POU2AF1: variants seen among roughly 807,000 people sequenced by gnomAD.
POU2AF1 encodes the protein POU class 2 homeobox associating factor 1.
In POU2AF1, 12 loss-of-function variants were observed where a neutral mutation model predicts 26.3. The ratio of observed to expected loss-of-function variants is 0.46; its 90% CI spans 0.29 to 0.74. The LOEUF (loss-of-function observed/expected upper bound fraction) is 0.74, where lower values mean the gene tolerates loss of function less well. Ranked by LOEUF, POU2AF1 falls within the 30% of genes least tolerant of loss-of-function variation. The pLI is 0.09. For missense variants in POU2AF1, 297 were observed against 334.5 expected, an observed-to-expected ratio of 0.89 and a Z score of 0.87; for synonymous variants, 175 against 148.0, an observed-to-expected ratio of 1.18 and a Z score of -1.32.
At chr11:111,372,144 G>C (rs1861226071) in intron 1 of POU2AF1, among the ~76,000 whole-genome samples, 1 of 151,998 alleles carries the variant, frequency 6.6e-6, no homozygotes. Context: ...TCAAGGAAGT[G>C]CCACGGAGGC....
intron 1 of POU2AF1, among the ~76,000 whole-genome samples, chr11:111,376,290 G>A (rs751425342): frequency 1.3e-5 from 2 of 152,178 alleles, no homozygotes; most frequent in Non-Finnish European, 2.9e-5. Context: ...GAACTAAGTT[G>A]CACAGGCAAC....
chr11:111,360,815 G>A (rs1413018552), intron 1 of POU2AF1, among the ~76,000 whole-genome samples: 1 of 151,938 alleles, frequency 6.6e-6, no homozygotes. Flanking sequence ...GTGGTGGCAG[G>A]CACCTGTAAT....
intron 1 of POU2AF1, among the ~76,000 whole-genome samples, chr11:111,368,916 C>A (rs1861156753): frequency 6.6e-6 from 1 of 152,246 alleles, no homozygotes; most frequent in Non-Finnish European, 1.5e-5. Flanking sequence ...TCTCAGCCAA[C>A]AATCCATGGC....
chr11:111,372,319 C>G (rs542772878), intron 1 of POU2AF1, among the ~76,000 whole-genome samples: 9 of 152,266 alleles, frequency 5.9e-5, no homozygotes, highest in Non-Finnish European at 1.2e-4. Context: ...AGAGGCCCAG[C>G]AGCAAGCAGA....
chr11:111,362,044 G>T (rs1041626724), intron 1 of POU2AF1, among the ~76,000 whole-genome samples: 1 of 152,160 alleles, frequency 6.6e-6, no homozygotes, highest in Non-Finnish European at 1.5e-5. Context: ...CTACTGCTGG[G>T]TGGTGCCCAG....
intron 1 of POU2AF1, among the ~76,000 whole-genome samples, chr11:111,371,131 T>C (rs1240980030): frequency 6.6e-6 from 1 of 152,238 alleles, no homozygotes; most frequent in African/African-American, 2.4e-5. Flanking sequence ...TTTAACAATG[T>C]CCTGTATGCT....
chr11:111,357,391 A>G (rs1247511392), intron 4 of POU2AF1, 54 bp downstream of exon 4: 2 of 1,606,404 alleles, frequency 1.2e-6, no homozygotes, highest in East Asian at 4.5e-5. Flanking sequence ...AGCTCTGGTT[A>G]TAAAAGGGTG....
At chr11:111,369,178 C>T (rs1035053286) in intron 1 of POU2AF1, among the ~76,000 whole-genome samples, 11 of 152,164 alleles carry the variant, frequency 7.2e-5, no homozygotes, top group Admixed American at 1.3e-4. Flanking sequence ...TAAAAGACTT[C>T]GCTTTCGTAC....
chr11:111,362,146 C>T (rs1861022338), intron 1 of POU2AF1, among the ~76,000 whole-genome samples: 1 of 152,186 alleles, frequency 6.6e-6, no homozygotes, highest in African/African-American at 2.4e-5. Flanking sequence ...AGGGTCACCC[C>T]ATGGCCACGT....
intron 1 of POU2AF1, among the ~76,000 whole-genome samples, chr11:111,375,661 A>C (rs1390993094): frequency 6.6e-6 from 1 of 152,090 alleles, no homozygotes; most frequent in Non-Finnish European, 1.5e-5. Flanking sequence ...GGCCTCCCAA[A>C]GTGCTGGGAT....
chr11:111,377,139 AAG>A (rs1231702914), intron 1 of POU2AF1, among the ~76,000 whole-genome samples: 1 of 151,922 alleles, frequency 6.6e-6, no homozygotes, highest in African/African-American at 2.4e-5. Flanking sequence ...TGGGAGGTCA[AAG>A]CGGGTGGATC....
chr11:111,371,017 T>A (rs1372064468), intron 1 of POU2AF1, among the ~76,000 whole-genome samples: 1 of 152,200 alleles, frequency 6.6e-6, no homozygotes, highest in Non-Finnish European at 1.5e-5. Flanking sequence ...CCTGAATTGG[T>A]GTACCTTTCA....
chr11:111,357,349 T>A, intron 4 of POU2AF1, 96 bp downstream of exon 4: 1 of 1,532,316 alleles, frequency 6.5e-7, no homozygotes, highest in Non-Finnish European at 9.0e-7. Context: ...ATCTTGAGAA[T>A]CAATAGCAAG....
Position 111,358,834 on chromosome 11 carries a change from C to T in POU2AF1, c.101G>A (p.Arg34Lys). The T allele has an allele frequency of 6.2e-7, 1 of 1,608,798 alleles. No individual in the cohort carries two copies. Among genetic ancestry groups the T allele is most frequent in the Non-Finnish European group, 8.5e-7 (1 of 1,179,852 alleles). Residue 34 changes from arginine to lysine, a missense_variant, in exon 2 of 5, where the codon AGG becomes AAG. Coordinates refer to ENST00000393067, the MANE Select transcript of POU2AF1 (RefSeq NM_006235.3). ...CCCACTGCTGGCGTGGCCTCGCTTC[C>T]TCCTCAGCAGTTCCTTCACTGGCTC... Reference protein sequence around the residue: ...VKEPVKELLRRKRGHASSGAA... With the variant: ...VKEPVKELLRKKRGHASSGAA...
chr11:111,373,023 A>T (rs1244816021), intron 1 of POU2AF1, among the ~76,000 whole-genome samples: 1 of 152,218 alleles, frequency 6.6e-6, no homozygotes, highest in Non-Finnish European at 1.5e-5. Context: ...AGGAAAAAGG[A>T]GCCTGGGATG....
chr11:111,369,578 A>G (rs1179413643), intron 1 of POU2AF1, among the ~76,000 whole-genome samples: 2 of 152,222 alleles, frequency 1.3e-5, no homozygotes, highest in Non-Finnish European at 1.5e-5. Context: ...TTCAGTGCCC[A>G]TAGATGGGAG....
At position 111,354,401 on chromosome 11, in the gene POU2AF1, A is replaced by G. The variant is rs1210287156; in HGVS notation, c.631T>C (p.Ser211Pro). 1 of 1,614,100 alleles carries G rather than the reference A, an allele frequency of 6.2e-7. No homozygotes were observed. Among genetic ancestry groups the G allele is most frequent in the South Asian group, 1.1e-5 (1 of 91,074 alleles). Residue 211 changes from serine to proline, a missense_variant, in exon 5 of 5, where the codon TCT becomes CCT. Physicochemically the swap from Ser to Pro is moderately conservative, Grantham distance 74. Transcript: ENST00000393067. ...PGPQFVQLPI[S>P]IPEPVLQDME... ...TCCTGAAGGACTGGCTCTGGGATAG[A>G]GATGGGGAGCTGGACAAACTGGGGC...
chr11:111,359,919 A>T, intron 1 of POU2AF1: 1 of 518,864 alleles, frequency 1.9e-6, no homozygotes. Flanking sequence ...GGATTGAGGC[A>T]AGTGGCTCCC....
At chr11:111,360,047 A>G (rs569559589) in intron 1 of POU2AF1, 3 of 519,010 alleles carry the variant, frequency 5.8e-6, no homozygotes, top group East Asian at 1.1e-4. Flanking sequence ...TTGCCATCAA[A>G]GCCAGGAAAC....
Sources: gnomAD v4.1 joint callset for allele counts (sites outside exome capture counted in the v4.1 genomes callset) on GRCh38, gnomAD v4.1.1 for gene constraint, MANE v1.5 for transcripts, NCBI Gene and HGNC (gene_info 2026-07-23, HGNC 2026-07-21) for gene names.